The following NKAIN2 variants were observed in gnomAD, a reference collection of about 807,000 sequenced individuals.
The protein encoded by NKAIN2 is sodium/potassium transporting ATPase interacting 2, also known as sodium/potassium-transporting ATPase subunit beta-1-interacting protein 2.
In NKAIN2, 14 loss-of-function variants were observed where a neutral mutation model predicts 32.6. The ratio of observed to expected loss-of-function variants is 0.43; its 90% CI spans 0.28 to 0.67. The LOEUF is 0.67. Ranked by LOEUF, NKAIN2 falls within the 30% of genes least tolerant of loss-of-function variation. The pLI is 0.17. For synonymous variants in NKAIN2, 80 were observed against 87.2 expected, an observed-to-expected ratio of 0.92 and a Z score of 0.46; for missense variants, 198 against 258.3, an observed-to-expected ratio of 0.77 and a Z score of 1.60.
intron 2 of NKAIN2, among the ~76,000 whole-genome samples, chr6:124,303,681 T>A (rs1265379649): frequency 6.6e-6 from 1 of 152,208 alleles, no homozygotes; most frequent in Non-Finnish European, 1.5e-5. Context: ...GTTACTTTTG[T>A]CTCTACAGGG....
intron 2 of NKAIN2, among the ~76,000 whole-genome samples, chr6:124,342,408 C>CA (rs1179071490): frequency 0.085 from 7,152 of 84,266 alleles, 248 homozygotes; most frequent in East Asian, 0.17. Context: ...GACTCCATCT[C>CA]AAAAAAAAAA....
At chr6:124,175,571 G>A (rs1470101125) in intron 1 of NKAIN2, among the ~76,000 whole-genome samples, 1 of 152,082 alleles carries the variant, frequency 6.6e-6, no homozygotes, top group Non-Finnish European at 1.5e-5. Flanking sequence ...AGTCTGATTG[G>A]TTTACAAATT....
chr6:124,127,870 C>G (rs1231732929), intron 1 of NKAIN2, among the ~76,000 whole-genome samples: 1 of 152,038 alleles, frequency 6.6e-6, no homozygotes, highest in Non-Finnish European at 1.5e-5. Context: ...TCTTGTTGCC[C>G]AGGCTGGAGT....
chr6:124,123,471 G>T lies in NKAIN2; in HGVS notation c.55-159534G>T, dbSNP rs528340688. 3.3e-5 allele frequency among the ~76,000 whole-genome samples: 5 copies of T among 152,064 alleles called. No homozygotes were observed. In the East Asian group the frequency reaches 9.7e-4, roughly 29 times the overall value. On this transcript the variant is annotated intron_variant, in intron 1 of 6. Transcript: ENST00000368417. ...TTCTTTTTTCATACTATTTTTTGGT[G>T]ATTTTCCTTTTTCTGATATTATATC... is the stretch of plus-strand genomic sequence containing the variant.
At chr6:123,908,427 G>C (rs1276290749) in intron 1 of NKAIN2, among the ~76,000 whole-genome samples, 1 of 152,134 alleles carries the variant, frequency 6.6e-6, no homozygotes, top group Non-Finnish European at 1.5e-5. Context: ...TTGATTGCAT[G>C]CATATCCTAT....
chr6:124,172,041 T>G (rs1788917028), intron 1 of NKAIN2, among the ~76,000 whole-genome samples: 1 of 150,068 alleles, frequency 6.7e-6, no homozygotes, highest in East Asian at 2.0e-4. Flanking sequence ...CTCCATCTGG[T>G]GACCTCGTGA....
At chr6:123,838,433 A>G (rs1272888270) in intron 1 of NKAIN2, among the ~76,000 whole-genome samples, 1 of 152,180 alleles carries the variant, frequency 6.6e-6, no homozygotes, top group Non-Finnish European at 1.5e-5. Context: ...CAAGAGAGCA[A>G]TAAACCAGTT....
At chr6:124,735,865 C>G (rs143324772) in intron 4 of NKAIN2, among the ~76,000 whole-genome samples, 1,825 of 151,936 alleles carry the variant, frequency 0.012, 21 homozygotes, top group Admixed American at 0.034. Context: ...CTTCCAGCCT[C>G]CCTATTCTTT....
At chr6:124,785,493 C>T (rs1779459821) in intron 4 of NKAIN2, among the ~76,000 whole-genome samples, 1 of 152,092 alleles carries the variant, frequency 6.6e-6, no homozygotes, top group Non-Finnish European at 1.5e-5. Flanking sequence ...GGGTATTATG[C>T]TATGAGACCC....
intron 1 of NKAIN2, among the ~76,000 whole-genome samples, chr6:124,194,157 C>G (rs1790183628): frequency 6.6e-6 from 1 of 151,716 alleles, no homozygotes; most frequent in African/African-American, 2.4e-5. Flanking sequence ...TCAGCAAGAC[C>G]AGCAGCCCAG....
At chr6:124,163,204 G>A (rs1788363181) in intron 1 of NKAIN2, among the ~76,000 whole-genome samples, 1 of 151,786 alleles carries the variant, frequency 6.6e-6, no homozygotes, top group Non-Finnish European at 1.5e-5. Context: ...AAAACAGACA[G>A]GTGATTTTTT....
chr6:124,405,401 A>G (rs1452914928), intron 3 of NKAIN2, among the ~76,000 whole-genome samples: 1 of 152,124 alleles, frequency 6.6e-6, no homozygotes, highest in East Asian at 1.9e-4. Context: ...AGAAACTAAG[A>G]TTTCCTTCCC....
intron 1 of NKAIN2, among the ~76,000 whole-genome samples, chr6:123,979,201 C>G (rs1778780881): frequency 6.6e-6 from 1 of 152,012 alleles, no homozygotes; most frequent in Admixed American, 6.6e-5. Context: ...CTTAAAATAG[C>G]TTATATAATT....
At chr6:124,575,795 T>C (rs1339380948) in intron 3 of NKAIN2, among the ~76,000 whole-genome samples, 2 of 152,182 alleles carry the variant, frequency 1.3e-5, no homozygotes, top group African/African-American at 4.8e-5. Context: ...TCCTTACTTT[T>C]TCAATATCTC....
chr6:124,753,994 T>C (rs1246650082), intron 4 of NKAIN2, among the ~76,000 whole-genome samples: 1 of 152,116 alleles, frequency 6.6e-6, no homozygotes, highest in African/African-American at 2.4e-5. Context: ...ATGAATTACG[T>C]AGAACAATCA....
intron 3 of NKAIN2, among the ~76,000 whole-genome samples, chr6:124,432,371 A>G (rs528790494): frequency 1.3e-5 from 2 of 152,308 alleles, no homozygotes; most frequent in South Asian, 2.1e-4. Flanking sequence ...GTGTGCTTTT[A>G]TAGATCCTCA....
intron 3 of NKAIN2, among the ~76,000 whole-genome samples, chr6:124,654,306 T>C (rs1390408033): frequency 6.6e-6 from 1 of 152,128 alleles, no homozygotes; most frequent in African/African-American, 2.4e-5. Flanking sequence ...ATGTAGTTAA[T>C]TGATTTTCTA....
intron 3 of NKAIN2, among the ~76,000 whole-genome samples, chr6:124,388,233 T>A (rs1772995788): frequency 6.6e-6 from 1 of 152,048 alleles, no homozygotes; most frequent in Admixed American, 6.6e-5. Flanking sequence ...AAAGATCAAT[T>A]TCATTGACTT....
At chr6:123,825,658 C>T (rs934632919) in intron 1 of NKAIN2, among the ~76,000 whole-genome samples, 2 of 152,106 alleles carry the variant, frequency 1.3e-5, no homozygotes, top group African/African-American at 2.4e-5. Flanking sequence ...TCAGACTGAG[C>T]TTTGTTTTGA....
Sources: allele counts gnomAD v4.1 joint callset (sites outside exome capture counted in the v4.1 genomes callset), GRCh38; gene constraint gnomAD v4.1.1; transcripts MANE v1.5; gene names NCBI Gene and HGNC (gene_info 2026-07-23, HGNC 2026-07-21).